Variants in SUCLG2 observed in about 807,000 individuals in gnomAD.
The protein encoded by SUCLG2 is succinate-CoA ligase GDP-forming subunit beta.
Under a neutral mutation model 47.9 loss-of-function variants are expected in SUCLG2, and 42 were observed. The ratio of observed to expected loss-of-function variants is 0.88; its 90% CI spans 0.69 to 1.14. SUCLG2 has a LOEUF of 1.14. SUCLG2 is among the 50% of genes most tolerant of loss of function. SUCLG2 has a pLI of 0.00. For missense variants in SUCLG2, 571 were observed against 525.9 expected, an observed-to-expected ratio of 1.09 and a Z score of -0.84; for synonymous variants, 195 against 197.3, an observed-to-expected ratio of 0.99 and a Z score of 0.10.
chr3:67,629,284 T>C (rs1700887150), intron 1 of SUCLG2, among the ~76,000 whole-genome samples: 1 of 152,166 alleles, frequency 6.6e-6, no homozygotes, highest in African/African-American at 2.4e-5. Context: ...CACCACAGGT[T>C]AAGGGCTCAG....
At chr3:67,563,171 C>T (rs1247732571) in intron 2 of SUCLG2, among the ~76,000 whole-genome samples, 1 of 151,454 alleles carries the variant, frequency 6.6e-6, no homozygotes, top group East Asian at 1.9e-4. Flanking sequence ...TGTCCCAATA[C>T]CACAGAATCT....
Position 67,400,749 on chromosome 3 carries a change from G to A in SUCLG2, c.1165C>T (p.Leu389=). The A allele has an allele frequency of 6.2e-7, 1 of 1,611,818 alleles. No homozygotes were observed. Among genetic ancestry groups the A allele is most frequent in the South Asian group, 1.1e-5 (1 of 90,936 alleles). The change falls in exon 10 of 11, where the codon CTG becomes TTG. Residue 389 remains leucine, a synonymous_variant. Coordinates refer to ENST00000307227, the MANE Select transcript of SUCLG2 (RefSeq NM_003848.4). The part of the protein sequence containing the change: ...ACRELELKVP[L]VVRLEGTNVQ... ...GACTCACCTTCAAGCCGGACCACCA[G>A]GGGCACCTTGAGTTCTAGCTCCCGG...
intron 2 of SUCLG2, among the ~76,000 whole-genome samples, chr3:67,606,014 C>G (rs921066556): frequency 6.6e-6 from 1 of 151,884 alleles, no homozygotes; most frequent in African/African-American, 2.4e-5. Flanking sequence ...AACTGGGCAA[C>G]ACAGAGAGAC....
chr3:67,556,870 G>A (rs1707176536), intron 2 of SUCLG2, among the ~76,000 whole-genome samples: 1 of 152,176 alleles, frequency 6.6e-6, no homozygotes, highest in Admixed American at 6.5e-5. Context: ...CCCTGAGGCA[G>A]AAATTGAGCA....
chr3:67,581,922 T>G (rs140027188), intron 2 of SUCLG2, among the ~76,000 whole-genome samples: 2 of 152,308 alleles, frequency 1.3e-5, no homozygotes, highest in East Asian at 3.9e-4. Context: ...CAGTAAGAGT[T>G]GTAAATTAGC....
intron 10 of SUCLG2, among the ~76,000 whole-genome samples, chr3:67,395,316 G>A (rs1702498500): frequency 6.6e-6 from 1 of 152,002 alleles, no homozygotes; most frequent in African/African-American, 2.4e-5. Flanking sequence ...CAAAATAAAA[G>A]GATGGAGGAA....
In SUCLG2 at chr3:67,374,788, T is replaced by A. The variant is rs984249354; in HGVS notation, c.*956A>T. The A allele has an allele frequency of 1.0e-6, 1 of 981,298 alleles. No individual in the cohort carries two copies. The highest frequency in any genetic ancestry group is 1.8e-5 in the African/African-American group (1 of 56,996). 60.8% of individuals were successfully genotyped at this position (981,298 alleles called of 1,614,324 possible). The stretch of plus-strand genomic sequence containing the variant: ...AAATCTACCAAAATTTAAACAAAAA[T>A]TTTATCCAAATCCTTTCCCACAACA... On this transcript the variant is annotated 3_prime_UTR_variant, in exon 11 of 11. Transcript: ENST00000307227.
chr3:67,376,419 T>C (rs1702036065), intron 10 of SUCLG2: 2 of 985,440 alleles, frequency 2.0e-6, no homozygotes, highest in Non-Finnish European at 2.4e-6. Flanking sequence ...CTGGAGTATC[T>C]TCTGGCCAAG....
intron 4 of SUCLG2, 33 bp downstream of exon 4, chr3:67,528,099 T>C: frequency 6.4e-7 from 1 of 1,568,414 alleles, no homozygotes; most frequent in Non-Finnish European, 8.8e-7. Context: ...TTTTAACACA[T>C]ATATAGAAAA....
At chr3:67,367,049 T>C (rs1400277887) in intron 10 of SUCLG2, among the ~76,000 whole-genome samples, 1 of 152,178 alleles carries the variant, frequency 6.6e-6, no homozygotes, top group African/African-American at 2.4e-5. Flanking sequence ...ACGCATATTA[T>C]AGAAAAAATT....
At chr3:67,618,796 T>C (rs1245859341) in intron 1 of SUCLG2, among the ~76,000 whole-genome samples, 1 of 152,156 alleles carries the variant, frequency 6.6e-6, no homozygotes, top group Non-Finnish European at 1.5e-5. Flanking sequence ...ATAATGACGA[T>C]ATGGTACCTG....
At chr3:67,417,988 G>A (rs1363850591) in intron 9 of SUCLG2, among the ~76,000 whole-genome samples, 1 of 152,150 alleles carries the variant, frequency 6.6e-6, no homozygotes, top group Non-Finnish European at 1.5e-5. Context: ...GCCAAAAAGA[G>A]GACATAAGAT....
intron 1 of SUCLG2, among the ~76,000 whole-genome samples, chr3:67,627,298 G>C (rs1700850242): frequency 6.6e-6 from 1 of 152,134 alleles, no homozygotes; most frequent in Non-Finnish European, 1.5e-5. Flanking sequence ...TTTGGGAAAT[G>C]CCATAGACTG....
chr3:67,629,361 G>T (rs1233554340), intron 1 of SUCLG2, among the ~76,000 whole-genome samples: 2 of 152,196 alleles, frequency 1.3e-5, no homozygotes, highest in Non-Finnish European at 2.9e-5. Context: ...GCACACACAG[G>T]GGTTCCCACT....
chr3:67,551,762 C>T (rs1707020694), intron 2 of SUCLG2, among the ~76,000 whole-genome samples: 2 of 152,052 alleles, frequency 1.3e-5, no homozygotes, highest in Non-Finnish European at 2.9e-5. Context: ...TTAAGGAGAC[C>T]ACATACTCAC....
At chr3:67,586,207 T>C (rs1416431717) in intron 2 of SUCLG2, among the ~76,000 whole-genome samples, 3 of 152,158 alleles carry the variant, frequency 2.0e-5, no homozygotes, top group Admixed American at 6.5e-5. Context: ...TAATTCTCAA[T>C]GATTTCCGCA....
chr3:67,629,193 G>A (rs1700885840), intron 1 of SUCLG2, among the ~76,000 whole-genome samples: 1 of 152,180 alleles, frequency 6.6e-6, no homozygotes, highest in African/African-American at 2.4e-5. Flanking sequence ...TATTTCCTCA[G>A]AATTCTCCAA....
chr3:67,388,827 G>C (rs941371010), intron 10 of SUCLG2, among the ~76,000 whole-genome samples: 1 of 152,168 alleles, frequency 6.6e-6, no homozygotes, highest in African/African-American at 2.4e-5. Context: ...TAGCAAAGAA[G>C]TAGTATAAAA....
At chr3:67,454,843 T>C (rs374601862) in intron 9 of SUCLG2, among the ~76,000 whole-genome samples, 35 of 151,802 alleles carry the variant, frequency 2.3e-4, no homozygotes, top group African/African-American at 7.3e-4. Flanking sequence ...GCACCTATAG[T>C]CGCAGCTACT....
Sources: allele counts gnomAD v4.1 joint callset (sites outside exome capture counted in the v4.1 genomes callset), GRCh38; gene constraint gnomAD v4.1.1; transcripts MANE v1.5; gene names NCBI Gene and HGNC (gene_info 2026-07-23, HGNC 2026-07-21).